Variants in CACNA2D4 observed in about 807,000 individuals in gnomAD.
The protein encoded by CACNA2D4 is voltage-dependent calcium channel subunit alpha-2/delta-4.
CACNA2D4 carries 157 observed loss-of-function variants against 163.8 expected under a neutral mutation model. That is an observed-to-expected ratio of 0.96 (90% CI 0.84 to 1.09). The LOEUF (loss-of-function observed/expected upper bound fraction) is 1.09. Ranked by LOEUF, CACNA2D4 falls within the 50% of genes least tolerant of loss-of-function variation. The probability of loss-of-function intolerance (pLI) is 0.00; values close to 1 mark genes in which losing one functional copy is unlikely to be tolerated. For missense variants in CACNA2D4, 1,410 were observed against 1,479.9 expected (o/e 0.95, Z 0.78); for synonymous variants, 598 against 586.9 (o/e 1.02, Z -0.27).
Position 1,853,917 on chromosome 12 carries a change from G to GT in CACNA2D4, c.2246+33dup, listed in dbSNP as rs768294489. ...TTAGCCAAGGGAATTCTGGGGGCTG[G>GT]TTGGGGCCTGGGAACCTGGGAACCT... On this transcript the variant is annotated intron_variant, in intron 23 of 37. Transcript: ENST00000382722. The GT allele has an allele frequency of 8.4e-6, 13 of 1,556,694 alleles. No individual in the cohort carries two copies. The African/African-American group carries it at 1.8e-4, about 21-fold the overall frequency.
At chr12:1,880,864 G>T (rs77913591) in intron 13 of CACNA2D4, among the ~76,000 whole-genome samples, 4,298 of 152,302 alleles carry the variant, frequency 0.028, 190 homozygotes, top group African/African-American at 0.098. Flanking sequence ...AGTTAGGAAT[G>T]CATGAAGCCA....
chr12:1,911,376 G>T (rs1866813628), intron 3 of CACNA2D4, among the ~76,000 whole-genome samples: 1 of 152,100 alleles, frequency 6.6e-6, no homozygotes, highest in African/African-American at 2.4e-5. Flanking sequence ...GGGGAAGTCA[G>T]GGTGGGGGAA....
chr12:1,873,445 C>T (rs530148901), intron 18 of CACNA2D4, among the ~76,000 whole-genome samples: 1 of 152,142 alleles, frequency 6.6e-6, no homozygotes, highest in East Asian at 1.9e-4. Context: ...AAAAGCAGCA[C>T]GAGATTCCTG....
intron 20 of CACNA2D4, among the ~76,000 whole-genome samples, chr12:1,857,591 T>C (rs528531415): frequency 1.3e-5 from 2 of 152,256 alleles, no homozygotes; most frequent in African/African-American, 4.8e-5. Flanking sequence ...AGTGGCCACC[T>C]CTTCCAGGGG....
chr12:1,849,432 G>A (rs1338276511), intron 23 of CACNA2D4, among the ~76,000 whole-genome samples: 1 of 152,148 alleles, frequency 6.6e-6, no homozygotes, highest in African/African-American at 2.4e-5. Flanking sequence ...ACTGAGGACT[G>A]CTTAACATTT....
rs78724413 is a variant in CACNA2D4, at chr12:1,883,814, C to A, written c.1351+429G>T. On this transcript the variant is annotated intron_variant, in intron 12 of 37. Coordinates refer to ENST00000382722, the MANE Select transcript of CACNA2D4 (RefSeq NM_172364.5). The surrounding 1 kb of genome is among the most constrained non-coding windows in gnomAD (Gnocchi z 4.5). ...CTGCTGGACAATACTGAGAGGTAGA[C>A]CGACCCTGAGTCCATCCTGATCCCT... is the stretch of plus-strand genomic sequence containing the variant. Among the ~76,000 whole-genome samples the A allele has an allele frequency of 8.9e-3, 1,348 of 152,270 alleles. 15 individuals are homozygous for A. The highest frequency in any genetic ancestry group is 0.031 in the African/African-American group (1,279 of 41,528).
In CACNA2D4 at chr12:1,799,277, C is replaced by T. The variant is rs1226448140; in HGVS notation, c.2995+398G>A. Among the ~76,000 whole-genome samples the T allele has an allele frequency of 1.3e-5, 2 of 152,174 alleles. No individual in the cohort carries two copies. The highest frequency in any genetic ancestry group is 2.9e-5 in the Non-Finnish European group (2 of 68,022). ...CAGACACAGGGTCCCGCAGGGGAAT[C>T]ATCCTGAGAGCTTCCTGGGGCCCCT... is the stretch of plus-strand genomic sequence containing the variant. On this transcript the variant is annotated intron_variant, in intron 34 of 37. Coordinates refer to ENST00000382722, the MANE Select transcript of CACNA2D4 (RefSeq NM_172364.5). This position sits in a 1 kb window ranked among gnomAD's most constrained non-coding sequence, Gnocchi z 4.7.
At position 1,844,315 on chromosome 12, in the gene CACNA2D4, C is replaced by T; in HGVS notation, c.2470+87G>A. 1 of 1,480,980 alleles carries T rather than the reference C, an allele frequency of 6.8e-7. No homozygotes were observed. The highest frequency in any genetic ancestry group is 9.2e-7 in the Non-Finnish European group (1 of 1,084,026). 91.7% of individuals were successfully genotyped at this position (1,480,980 alleles called of 1,614,324 possible). A position where few individuals can be genotyped will look rare whatever the true frequency, so the allele number is the denominator to read the frequency against. ...TGGACATTCTATTCCATATCTCGTT[C>T]CCATTTCCCACTAAGAGCACAGCAG... On this transcript the variant is annotated intron_variant, in intron 25 of 37. Coordinates refer to ENST00000382722, the MANE Select transcript of CACNA2D4 (RefSeq NM_172364.5). The surrounding 1 kb of genome is among the most constrained non-coding windows in gnomAD (Gnocchi z 4.2).
intron 26 of CACNA2D4, among the ~76,000 whole-genome samples, chr12:1,824,871 CAT>C (rs1425015118): frequency 6.6e-6 from 1 of 152,182 alleles, no homozygotes; most frequent in Non-Finnish European, 1.5e-5. Flanking sequence ...GTGCCACACA[CAT>C]ATGACTGGTG....
chr12:1,797,311 C>T (rs977494099), intron 35 of CACNA2D4, 107 bp downstream of exon 35: 1 of 824,476 alleles, frequency 1.2e-6, no homozygotes, highest in Non-Finnish European at 2.0e-6. Context: ...CCCCTCCTCC[C>T]GGCTGTGGAG....
intron 23 of CACNA2D4, among the ~76,000 whole-genome samples, chr12:1,850,887 A>G (rs1865262931): frequency 6.6e-6 from 1 of 151,666 alleles, no homozygotes; most frequent in Admixed American, 6.6e-5. Flanking sequence ...GTCTCAAAAA[A>G]AAAAAAAAAA....
At chr12:1,896,870 T>A (rs914334126) in intron 6 of CACNA2D4, among the ~76,000 whole-genome samples, 1 of 152,142 alleles carries the variant, frequency 6.6e-6, no homozygotes, top group Non-Finnish European at 1.5e-5. Flanking sequence ...ACAGCACTAT[T>A]CACAATAGCA....
At position 1,806,659 on chromosome 12, in the gene CACNA2D4, A is replaced by G. The variant is rs552566667; in HGVS notation, c.2721+3619T>C. Among the ~76,000 whole-genome samples, 1 of 152,328 alleles carries G rather than the reference A, an allele frequency of 6.6e-6. No homozygotes were observed. The highest frequency in any genetic ancestry group is 6.5e-5 in the Admixed American group (1 of 15,308). On this transcript the variant is annotated intron_variant, in intron 29 of 37. Transcript: ENST00000382722. This position sits in a 1 kb window ranked among gnomAD's most constrained non-coding sequence, Gnocchi z 4.1. ...GCTAAAGTGCATTGAGATCCACAGC[A>G]GCCAGGAGGCCTGGGGAGGGTTCTC... is the stretch of plus-strand genomic sequence containing the variant.
intron 36 of CACNA2D4, 119 bp downstream of exon 36, chr12:1,795,549 G>A (rs1312267736): frequency 2.4e-6 from 2 of 839,674 alleles, no homozygotes; most frequent in East Asian, 2.7e-5. Flanking sequence ...AAATAACGGA[G>A]CCCTGTGGAG....
intron 26 of CACNA2D4, chr12:1,831,486 C>A (rs754176760): frequency 6.2e-7 from 1 of 1,613,844 alleles, no homozygotes; most frequent in Non-Finnish European, 8.5e-7. Flanking sequence ...CTGTAACCTG[C>A]GTGAGTTCAA....
chr12:1,812,930 C>T (rs1489909325), intron 26 of CACNA2D4, among the ~76,000 whole-genome samples: 1 of 152,130 alleles, frequency 6.6e-6, no homozygotes. Flanking sequence ...TCTCGAGTAC[C>T]CAGTTGGTGG....
At chr12:1,847,512 G>A (rs1252067310) in intron 23 of CACNA2D4, among the ~76,000 whole-genome samples, 2 of 152,182 alleles carry the variant, frequency 1.3e-5, no homozygotes, top group Non-Finnish European at 2.9e-5. Context: ...AATCACTGAG[G>A]GAAAGGGTCT....
rs184810680 is a variant in CACNA2D4 at position 1,910,240 on chromosome 12, G to A, written c.427-275C>T. Among the ~76,000 whole-genome samples, 15 of 152,386 alleles carry A rather than the reference G, an allele frequency of 9.8e-5. No homozygotes were observed. In the East Asian group the frequency reaches 2.9e-3, roughly 29 times the overall value. On this transcript the variant is annotated intron_variant, in intron 3 of 37. Coordinates refer to ENST00000382722, the MANE Select transcript of CACNA2D4 (RefSeq NM_172364.5). Reference sequence around the variant, plus strand: ...CCAACAACATGGCATTCTGGAAAAGGCAAGACTAGGGAGATAGAGAAGATA... The same window carrying A: ...CCAACAACATGGCATTCTGGAAAAGACAAGACTAGGGAGATAGAGAAGATA...
chr12:1,857,627 G>A (rs940655775), intron 20 of CACNA2D4, among the ~76,000 whole-genome samples: 1 of 152,178 alleles, frequency 6.6e-6, no homozygotes, highest in African/African-American at 2.4e-5. Flanking sequence ...TGACCCCTGA[G>A]ATAGGTTGTG....
Sources: gnomAD v4.1 joint callset for allele counts (sites outside exome capture counted in the v4.1 genomes callset) on GRCh38, gnomAD v4.1.1 for gene constraint, Gnocchi (gnomAD v3.1) non-coding constraint, MANE v1.5 for transcripts, NCBI Gene and HGNC (gene_info 2026-07-23, HGNC 2026-07-21) for gene names.